The following GABRB1 variants were observed in gnomAD, a reference collection of about 807,000 sequenced individuals.
GABRB1 encodes gamma-aminobutyric acid type A receptor subunit beta1, also known as gamma-aminobutyric acid receptor subunit beta-1.
In GABRB1, 17 loss-of-function variants were observed where a neutral mutation model predicts 51.6. The observed-to-expected ratio is 0.33, with a 90% confidence interval of 0.23 to 0.49. The LOEUF is 0.49. GABRB1 is among the 20% of genes least tolerant of loss of function. The pLI is 0.99. For synonymous variants in GABRB1, 247 were observed against 218.9 expected, an observed-to-expected ratio of 1.13 and a Z score of -1.14; for missense variants, 410 against 600.6, an observed-to-expected ratio of 0.68 and a Z score of 3.32.
chr4:47,209,799 TAA>T (rs74761348), intron 4 of GABRB1, among the ~76,000 whole-genome samples: 45 of 145,754 alleles, frequency 3.1e-4, no homozygotes, highest in African/African-American at 8.5e-4. Context: ...GGTACTTTAG[TAA>T]AAAAAAAAAA....
intron 4 of GABRB1, among the ~76,000 whole-genome samples, chr4:47,196,420 T>C (rs377423768): frequency 3.1e-4 from 47 of 152,314 alleles, no homozygotes; most frequent in East Asian, 2.9e-3. Context: ...ACTGGATAGA[T>C]CCAATCTGGA....
chr4:47,286,074 C>T (rs184103673), intron 4 of GABRB1, among the ~76,000 whole-genome samples: 31 of 152,270 alleles, frequency 2.0e-4, no homozygotes, highest in African/African-American at 6.0e-4. Flanking sequence ...TCCATGAAAA[C>T]TTTTTCTATG....
intron 5 of GABRB1, among the ~76,000 whole-genome samples, chr4:47,349,975 A>G (rs1376210450): frequency 6.6e-6 from 1 of 151,986 alleles, no homozygotes; most frequent in African/African-American, 2.4e-5. Flanking sequence ...GATTGTAGAA[A>G]CATTTTCTGA....
intron 3 of GABRB1, among the ~76,000 whole-genome samples, chr4:47,106,425 G>A (rs1714974143): frequency 6.6e-6 from 1 of 151,838 alleles, no homozygotes; most frequent in Admixed American, 6.6e-5. Flanking sequence ...TCAAATCTAT[G>A]TTATAGAAAA....
chr4:47,283,677 C>T (rs967677550), intron 4 of GABRB1, among the ~76,000 whole-genome samples: 4 of 151,780 alleles, frequency 2.6e-5, no homozygotes, highest in African/African-American at 4.8e-5. Context: ...CTTGAGCCAC[C>T]GCACCCGGCC....
intron 3 of GABRB1, among the ~76,000 whole-genome samples, chr4:47,082,675 C>T (rs959933032): frequency 6.6e-6 from 1 of 152,040 alleles, no homozygotes; most frequent in Non-Finnish European, 1.5e-5. Context: ...GTCTAAGAAC[C>T]TTAGTTTCTT....
At chr4:47,208,186 A>G (rs1346972572) in intron 4 of GABRB1, among the ~76,000 whole-genome samples, 2 of 152,082 alleles carry the variant, frequency 1.3e-5, no homozygotes, top group Non-Finnish European at 2.9e-5. Flanking sequence ...TATATGCAAC[A>G]GCATGGATGA....
intron 5 of GABRB1, among the ~76,000 whole-genome samples, chr4:47,372,893 C>T (rs540810251): frequency 3.4e-4 from 52 of 152,286 alleles, no homozygotes; most frequent in Non-Finnish European, 6.9e-4. Context: ...CTACCTTCCT[C>T]TTCTCCCTCC....
intron 1 of GABRB1, among the ~76,000 whole-genome samples, chr4:47,010,687 G>A (rs1724557738): frequency 6.6e-6 from 1 of 152,144 alleles, no homozygotes. Context: ...CCTCCCCAAA[G>A]CTGGAATGTT....
intron 8 of GABRB1, among the ~76,000 whole-genome samples, chr4:47,407,816 G>T (rs1348974522): frequency 6.6e-6 from 1 of 152,160 alleles, no homozygotes; most frequent in Admixed American, 6.5e-5. Flanking sequence ...GTGCTAAAAA[G>T]AAAGTAAAAC....
intron 3 of GABRB1, among the ~76,000 whole-genome samples, chr4:47,054,337 T>C (rs546056137): frequency 2.0e-5 from 3 of 152,288 alleles, no homozygotes; most frequent in Admixed American, 2.0e-4. Flanking sequence ...AAGGTCGGCT[T>C]CTGTTTCTTG....
intron 4 of GABRB1, among the ~76,000 whole-genome samples, chr4:47,199,665 A>G (rs1719823685): frequency 6.6e-6 from 1 of 152,110 alleles, no homozygotes; most frequent in Non-Finnish European, 1.5e-5. Flanking sequence ...AGGACATGGG[A>G]CAGAAGCAGA....
At chr4:47,220,260 AC>A (rs1720718460) in intron 4 of GABRB1, among the ~76,000 whole-genome samples, 1 of 151,724 alleles carries the variant, frequency 6.6e-6, no homozygotes, top group Non-Finnish European at 1.5e-5. Flanking sequence ...CCTTCTTATC[AC>A]CCAAACTGCC....
intron 4 of GABRB1, among the ~76,000 whole-genome samples, chr4:47,162,396 G>A (rs540818667): frequency 6.6e-6 from 1 of 151,960 alleles, no homozygotes; most frequent in South Asian, 2.1e-4. Flanking sequence ...CATGACATGT[G>A]TAAGTATATG....
intron 4 of GABRB1, among the ~76,000 whole-genome samples, chr4:47,317,775 C>T (rs982804593): frequency 2.0e-5 from 3 of 151,496 alleles, no homozygotes; most frequent in Non-Finnish European, 4.4e-5. Flanking sequence ...GAAAAAGAAG[C>T]CTTTATTGCT....
At chr4:47,332,898 A>C (rs953099472) in intron 5 of GABRB1, among the ~76,000 whole-genome samples, 3 of 151,900 alleles carry the variant, frequency 2.0e-5, no homozygotes, top group African/African-American at 7.2e-5. Context: ...ATTGTAAACT[A>C]TTCTTTCTTT....
chr4:47,109,361 T>C (rs1715122271), intron 3 of GABRB1, among the ~76,000 whole-genome samples: 1 of 152,088 alleles, frequency 6.6e-6, no homozygotes, highest in Non-Finnish European at 1.5e-5. Context: ...AAATAGGATT[T>C]GGTAATTGAT....
At chr4:47,336,309 C>G (rs1725695056) in intron 5 of GABRB1, among the ~76,000 whole-genome samples, 1 of 152,068 alleles carries the variant, frequency 6.6e-6, no homozygotes. Flanking sequence ...AGAAGAGGTC[C>G]AAGTGCTTAG....
intron 3 of GABRB1, among the ~76,000 whole-genome samples, chr4:47,122,961 A>C (rs546400898): frequency 6.6e-6 from 1 of 152,176 alleles, no homozygotes; most frequent in Non-Finnish European, 1.5e-5. Context: ...ATAGTGTAAA[A>C]GCTTGGGATT....
Sources: allele counts gnomAD v4.1 joint callset (sites outside exome capture counted in the v4.1 genomes callset), GRCh38; gene constraint gnomAD v4.1.1; transcripts MANE v1.5; gene names NCBI Gene and HGNC (gene_info 2026-07-23, HGNC 2026-07-21).